Variants in SRGAP3 observed in about 807,000 individuals in gnomAD.
SRGAP3 encodes the protein SLIT-ROBO Rho GTPase activating protein 3, also known as SLIT-ROBO Rho GTPase-activating protein 3.
In SRGAP3, 39 loss-of-function variants were observed where a neutral mutation model predicts 121.1. The ratio of observed to expected loss-of-function variants is 0.32; its 90% CI spans 0.25 to 0.42. The LOEUF (loss-of-function observed/expected upper bound fraction) is 0.42. Ranked by LOEUF, SRGAP3 falls within the 10% of genes least tolerant of loss-of-function variation. SRGAP3 has a pLI of 1.00. For missense variants in SRGAP3, 1,213 were observed against 1,470.6 expected (o/e 0.82, Z 2.86); for synonymous variants, 601 against 570.0 (o/e 1.05, Z -0.77).
chr3:9,131,126 G>C (rs903276358), intron 1 of SRGAP3, among the ~76,000 whole-genome samples: 1 of 152,206 alleles, frequency 6.6e-6, no homozygotes, highest in African/African-American at 2.4e-5. Context: ...CTACGAGCTG[G>C]CACAGATTTG....
chr3:9,316,080 CCT>C (rs1955340086), intron 3 of SRGAP3, among the ~76,000 whole-genome samples: 1 of 151,680 alleles, frequency 6.6e-6, no homozygotes. Flanking sequence ...ACAGAGTGTC[CCT>C]CTGTCACCCA....
chr3:9,306,275 G>A (rs1358856494), intron 3 of SRGAP3, among the ~76,000 whole-genome samples: 1 of 152,076 alleles, frequency 6.6e-6, no homozygotes, highest in African/African-American at 2.4e-5. Context: ...ATTTTTTTCT[G>A]TAAATTTGTT....
rs1308524066 is a variant in SRGAP3 at position 8,994,477 on chromosome 3, C to A, written c.2274G>T (p.Arg758=). ...EAIAKFDYMG[R]SPRELSFKKG... The stretch of plus-strand genomic sequence containing the variant: ...TCTTGAAGGATAGCTCACGCGGGGA[C>A]CGCCCCATGTAGTCAAACTTGGCAA... Residue 758 remains arginine (R), a synonymous_variant, in exon 19 of 22, where the codon CGG becomes CGT. Transcript: ENST00000383836. 6.2e-7 allele frequency: 1 copy of A among 1,614,200 alleles called. No individual in the cohort carries two copies. The highest frequency in any genetic ancestry group is 2.2e-5 in the East Asian group (1 of 44,882).
intron 1 of SRGAP3, among the ~76,000 whole-genome samples, 161 bp downstream of exon 1, chr3:9,248,724 G>A (rs1208529311): frequency 1.3e-5 from 2 of 152,052 alleles, no homozygotes; most frequent in Non-Finnish European, 2.9e-5. Flanking sequence ...AAACCAGTCC[G>A]GACTTGTGCG....
rs912587635 is a variant in SRGAP3 at position 8,982,457 on chromosome 3, T to C, written c.*3062A>G. 2 of 222,774 alleles carry C rather than the reference T, an allele frequency of 9.0e-6. No homozygotes were observed. The highest frequency in any genetic ancestry group is 4.5e-5 in the African/African-American group (2 of 44,758). 13.8% of individuals were successfully genotyped at this position (222,774 alleles called of 1,614,324 possible). A position where few individuals can be genotyped will look rare whatever the true frequency, so the allele number is the denominator to read the frequency against. On this transcript the variant is annotated 3_prime_UTR_variant, in exon 22 of 22. Coordinates refer to ENST00000383836, the MANE Select transcript of SRGAP3 (RefSeq NM_014850.4). Reference sequence around the variant, plus strand: ...GTACAGTTAGGTATTTGTTTTTACATTGATCTATCTACTAGGTGCAAAGAT... The same window carrying C: ...GTACAGTTAGGTATTTGTTTTTACACTGATCTATCTACTAGGTGCAAAGAT...
At chr3:9,267,604 G>A (rs1349974884) in intron 3 of SRGAP3, among the ~76,000 whole-genome samples, 1 of 152,156 alleles carries the variant, frequency 6.6e-6, no homozygotes. Flanking sequence ...TTTTTATCAT[G>A]AAGGGACAAT....
intron 3 of SRGAP3, among the ~76,000 whole-genome samples, chr3:9,102,491 C>G (rs1948255369): frequency 6.6e-6 from 1 of 152,216 alleles, no homozygotes; most frequent in South Asian, 2.1e-4. Flanking sequence ...GATCCCCAGT[C>G]TGACCAGAGA....
intron 1 of SRGAP3, among the ~76,000 whole-genome samples, chr3:9,133,016 T>C (rs1053244382): frequency 6.7e-6 from 1 of 149,004 alleles, no homozygotes; most frequent in African/African-American, 2.4e-5. Context: ...ATATGTTATA[T>C]AGATCATATT....
upstream of SRGAP3, among the ~76,000 whole-genome samples, chr3:9,254,300 T>C (rs2125252617): frequency 6.6e-6 from 1 of 152,318 alleles, no homozygotes; most frequent in African/African-American, 2.4e-5. Flanking sequence ...TGCTACAGTA[T>C]GGAGGAACCT....
intron 1 of SRGAP3, among the ~76,000 whole-genome samples, chr3:9,162,839 T>C (rs1454130121): frequency 1.3e-5 from 2 of 152,210 alleles, no homozygotes; most frequent in Non-Finnish European, 2.9e-5. Flanking sequence ...TGAGGTTTAG[T>C]TGAAATAGTG....
chr3:9,011,941 C>A (rs1943400156), intron 17 of SRGAP3, among the ~76,000 whole-genome samples: 2 of 152,200 alleles, frequency 1.3e-5, no homozygotes, highest in South Asian at 4.2e-4. Flanking sequence ...TCTGTGGGTC[C>A]CTTCCCAGAA....
At chr3:9,207,888 C>T (rs771076087) in intron 1 of SRGAP3, among the ~76,000 whole-genome samples, 1 of 152,206 alleles carries the variant, frequency 6.6e-6, no homozygotes, top group Admixed American at 6.5e-5. Context: ...CACCATGCAA[C>T]ACATGAGGGA....
intron 1 of SRGAP3, among the ~76,000 whole-genome samples, chr3:9,131,433 CTTTTTT>C (rs869155697): frequency 7.8e-5 from 7 of 90,216 alleles, no homozygotes; most frequent in Non-Finnish European, 1.2e-4. Context: ...AGATCTAATT[CTTTTTT>C]TTTTTTTTTT....
intron 1 of SRGAP3, among the ~76,000 whole-genome samples, chr3:9,350,414 G>C (rs2030066278): frequency 6.6e-6 from 1 of 152,188 alleles, no homozygotes; most frequent in African/African-American, 2.4e-5. Context: ...AATTTAGGGA[G>C]GGGAATGCAA....
chr3:9,243,648 A>AAAAG (rs1373213960), intron 1 of SRGAP3, among the ~76,000 whole-genome samples: 5 of 149,236 alleles, frequency 3.4e-5, no homozygotes, highest in Admixed American at 1.3e-4. Context: ...AAAAAAAAAA[A>AAAAG]AGAGAGAGAG....
intron 1 of SRGAP3, among the ~76,000 whole-genome samples, chr3:9,158,660 T>C (rs1950505445): frequency 6.6e-6 from 1 of 152,148 alleles, no homozygotes; most frequent in Admixed American, 6.5e-5. Flanking sequence ...GCAGAGAAAT[T>C]TAAGAAGCTA....
chr3:9,123,730 A>ATGTGTGTGTGTGTGTGTGTG (rs1156597319), intron 2 of SRGAP3, among the ~76,000 whole-genome samples: 2 of 110,254 alleles, frequency 1.8e-5, no homozygotes, highest in Non-Finnish European at 3.7e-5. Flanking sequence ...ATATATGTAT[A>ATGTGTGTGTGTGTGTGTGTG]TATGTGTGTG....
intron 1 of SRGAP3, among the ~76,000 whole-genome samples, chr3:9,155,704 A>C (rs1950393748): frequency 1.3e-5 from 2 of 152,176 alleles, no homozygotes; most frequent in African/African-American, 4.8e-5. Context: ...AATAAATCTA[A>C]AACTATATTC....
intron 3 of SRGAP3, among the ~76,000 whole-genome samples, chr3:9,302,931 C>A (rs994498247): frequency 6.7e-6 from 1 of 148,194 alleles, no homozygotes; most frequent in Non-Finnish European, 1.5e-5. Flanking sequence ...ACTTAAAGTA[C>A]CTAATATCTC....
Sources: allele counts gnomAD v4.1 joint callset (sites outside exome capture counted in the v4.1 genomes callset), GRCh38; gene constraint gnomAD v4.1.1; transcripts MANE v1.5; gene names NCBI Gene and HGNC (gene_info 2026-07-23, HGNC 2026-07-21).